The following CCDC170 variants were observed in gnomAD, a reference collection of about 807,000 sequenced individuals.
CCDC170 encodes the protein coiled-coil domain containing 170.
CCDC170 carries 69 observed loss-of-function variants against 72.6 expected under a neutral mutation model. The ratio of observed to expected loss-of-function variants is 0.95; its 90% CI spans 0.78 to 1.16. The LOEUF (loss-of-function observed/expected upper bound fraction) is 1.16. Ranked by LOEUF, CCDC170 falls within the 50% of genes most tolerant of loss-of-function variation. The pLI, the probability that CCDC170 is intolerant of heterozygous loss-of-function variation, is 0.00. For missense variants in CCDC170, 852 were observed against 832.5 expected (o/e 1.02, Z -0.29); for synonymous variants, 300 against 303.9 (o/e 0.99, Z 0.13).
intron 5 of CCDC170, among the ~76,000 whole-genome samples, chr6:151,572,293 T>C (rs1776229342): frequency 6.6e-6 from 1 of 152,230 alleles, no homozygotes; most frequent in African/African-American, 2.4e-5. Context: ...CAAGGGGATA[T>C]GCAATGAATA....
Position 151,586,066 on chromosome 6 carries a change from A to AACGGT in CCDC170, c.1272_1273insGGTAC (p.Leu425GlyfsTer3), listed in dbSNP as rs1414332774. The AACGGT allele has an allele frequency of 5.0e-6, 8 of 1,614,040 alleles. No homozygotes were observed. In the African/African-American group the frequency reaches 1.1e-4, roughly 22 times the overall value. ...GGTTTCTGGAGGTGTTTTGCGAGACAACTTGAATTTTGAGAAACAAAAAGT... is the reference window on the plus strand; with the variant it reads ...GGTTTCTGGAGGTGTTTTGCGAGACAACGGTACTTGAATTTTGAGAAACAAAAAGT... On this transcript the variant is annotated frameshift_variant, in exon 7 of 11. Coordinates refer to ENST00000239374, the MANE Select transcript of CCDC170 (RefSeq NM_025059.4). LOFTEE classifies it high-confidence loss of function.
chr6:151,513,550 C>T (rs1432154214), intron 1 of CCDC170, among the ~76,000 whole-genome samples: 1 of 135,612 alleles, frequency 7.4e-6, no homozygotes, highest in African/African-American at 2.8e-5. Context: ...GCAGAGGTTG[C>T]AGTAAGCCGA....
intron 1 of CCDC170, among the ~76,000 whole-genome samples, chr6:151,500,136 G>A (rs75278317): frequency 0.14 from 20,668 of 150,688 alleles, 1,531 homozygotes; most frequent in Middle Eastern, 0.2. Flanking sequence ...TTCCTTTATT[G>A]TAGCCTTTCT....
Position 151,573,412 on chromosome 6 carries a change from T to C in CCDC170, c.1013T>C (p.Leu338Ser). Residue 338 changes from leucine to serine, a missense_variant, in exon 6 of 11, where the codon TTG becomes TCG. Physicochemically the swap from Leu to Ser is moderately radical, Grantham distance 145. Coordinates refer to ENST00000239374, the MANE Select transcript of CCDC170 (RefSeq NM_025059.4). ...EKIAALLRGRLSMTGSTEDTI... is the reference protein window; with the variant it reads ...EKIAALLRGRSSMTGSTEDTI... Reference sequence around the variant, plus strand: ...ATCGCAGCCCTCCTTAGGGGCAGATTGAGCATGACTGGGTCCACTGAGGAC... The same window carrying C: ...ATCGCAGCCCTCCTTAGGGGCAGATCGAGCATGACTGGGTCCACTGAGGAC... 6.2e-7 allele frequency: 1 copy of C among 1,614,102 alleles called. No homozygotes were observed. Among genetic ancestry groups the C allele is most frequent in the Non-Finnish European group, 8.5e-7 (1 of 1,180,018 alleles).
At chr6:151,526,506 C>G (rs1330601810) in intron 1 of CCDC170, among the ~76,000 whole-genome samples, 1 of 148,822 alleles carries the variant, frequency 6.7e-6, no homozygotes, top group Non-Finnish European at 1.5e-5. Flanking sequence ...AGGCATGAGC[C>G]ACCCCGCCTG....
intron 5 of CCDC170, among the ~76,000 whole-genome samples, chr6:151,556,612 G>A (rs753069322): frequency 3.9e-5 from 6 of 152,068 alleles, no homozygotes; most frequent in African/African-American, 9.7e-5. Context: ...ATTGCTACAC[G>A]ATACTTGTAT....
At chr6:151,545,092 T>C (rs925461420) in intron 4 of CCDC170, among the ~76,000 whole-genome samples, 12 of 151,992 alleles carry the variant, frequency 7.9e-5, no homozygotes, top group African/African-American at 2.7e-4. Flanking sequence ...ACTGATTGAG[T>C]GTGAGATCTA....
rs1184730408 is a variant in CCDC170 at position 151,514,373 on chromosome 6, GAGGA to G, written c.57+20212_57+20215del. Among the ~76,000 whole-genome samples, 483 of 107,012 alleles carry G rather than the reference GAGGA, an allele frequency of 4.5e-3. 12 individuals carry two copies. Among genetic ancestry groups the G allele is most frequent in the African/African-American group, 0.011 (286 of 26,652 alleles). The allele number at this position is 107,012 out of a possible 152,430, so 70.2% of individuals were successfully genotyped here. On this transcript the variant is annotated intron_variant, in intron 1 of 10. Transcript: ENST00000239374. ...GGAGGGAGGGAGGGAGGGAGGGAGGGAGGAAGGAAGGAAGGAAGGAAGGAAGGGA... is the reference window on the plus strand; with the variant it reads ...GGAGGGAGGGAGGGAGGGAGGGAGGGAGGAAGGAAGGAAGGAAGGAAGGGA...
chr6:151,574,556 G>A (rs778812579), intron 6 of CCDC170, among the ~76,000 whole-genome samples: 2 of 152,140 alleles, frequency 1.3e-5, no homozygotes, highest in Non-Finnish European at 2.9e-5. Flanking sequence ...CTCCACTGTG[G>A]TGTCTGGGAC....
chr6:151,506,183 CA>C (rs1782063699), intron 1 of CCDC170, among the ~76,000 whole-genome samples: 3 of 152,150 alleles, frequency 2.0e-5, no homozygotes, highest in African/African-American at 7.2e-5. Context: ...CTCATGGACC[CA>C]TCAGCAATAT....
intron 1 of CCDC170, 76 bp downstream of exon 1, chr6:151,494,261 G>A (rs1781877349): frequency 7.3e-7 from 1 of 1,373,294 alleles, no homozygotes; most frequent in Non-Finnish European, 9.6e-7. Context: ...AGGCGCCCCT[G>A]ATTTGCACCC....
At chr6:151,594,080 A>C (rs754795778) in intron 8 of CCDC170, among the ~76,000 whole-genome samples, 3 of 152,264 alleles carry the variant, frequency 2.0e-5, no homozygotes, top group Non-Finnish European at 4.4e-5. Context: ...TTTATACTAA[A>C]TCAATGAATG....
At chr6:151,546,207 A>T (rs564973156) in intron 4 of CCDC170, among the ~76,000 whole-genome samples, 68 of 152,242 alleles carry the variant, frequency 4.5e-4, no homozygotes, top group African/African-American at 1.6e-3. Context: ...ATGGGTTTTG[A>T]TAGCTGGGAC....
At chr6:151,554,475 A>ACTTTGGGAG (rs1310847113) in intron 5 of CCDC170, among the ~76,000 whole-genome samples, 2 of 152,170 alleles carry the variant, frequency 1.3e-5, no homozygotes, top group Non-Finnish European at 2.9e-5. Flanking sequence ...TTGTAATCCT[A>ACTTTGGGAG]GCACTTTGGG....
intron 9 of CCDC170, among the ~76,000 whole-genome samples, chr6:151,598,969 C>T (rs532736876): frequency 6.6e-5 from 10 of 152,258 alleles, no homozygotes; most frequent in African/African-American, 1.9e-4. Context: ...TATAAGGATA[C>T]AGGAGTACTA....
At chr6:151,531,019 C>T (rs1266117743) in intron 1 of CCDC170, among the ~76,000 whole-genome samples, 1 of 152,242 alleles carries the variant, frequency 6.6e-6, no homozygotes, top group African/African-American at 2.4e-5. Context: ...ATTCTGCTTA[C>T]ACATTTAAAA....
chr6:151,592,291 C>T lies in CCDC170; in HGVS notation c.1294-816C>T, dbSNP rs374521101. 5.3e-5 allele frequency among the ~76,000 whole-genome samples: 8 copies of T among 152,036 alleles called. No individual in the cohort carries two copies. In the East Asian group the frequency reaches 5.8e-4, roughly 11 times the overall value. On this transcript the variant is annotated intron_variant, in intron 7 of 10. Transcript: ENST00000239374. ...AGGAGAATTGCCGGAACCTGGGAGG[C>T]GGAGGCTGCAGTGAGCCAAGATCAA...
intron 1 of CCDC170, among the ~76,000 whole-genome samples, chr6:151,520,713 C>T (rs1342618190): frequency 6.6e-6 from 1 of 152,166 alleles, no homozygotes; most frequent in Non-Finnish European, 1.5e-5. Context: ...GATGGATCAG[C>T]TGGCATGACC....
At chr6:151,517,956 G>C (rs1013951085) in intron 1 of CCDC170, among the ~76,000 whole-genome samples, 2 of 150,610 alleles carry the variant, frequency 1.3e-5, no homozygotes, top group African/African-American at 4.9e-5. Flanking sequence ...TTTCACACTG[G>C]ATAAGAAATA....
Sources: gnomAD v4.1 joint callset for allele counts (sites outside exome capture counted in the v4.1 genomes callset) on GRCh38, gnomAD v4.1.1 for gene constraint, MANE v1.5 for transcripts, NCBI Gene and HGNC (gene_info 2026-07-23, HGNC 2026-07-21) for gene names.